HS3ST1: variants seen among roughly 807,000 people sequenced by gnomAD.
HS3ST1 encodes heparan sulfate glucosamine 3-O-sulfotransferase 1.
A neutral mutation model predicts 20.7 loss-of-function variants in HS3ST1; 8 were observed. That is an observed-to-expected ratio of 0.39 (90% CI 0.23 to 0.70). HS3ST1 has a LOEUF of 0.70. Among genes scored for constraint, HS3ST1 ranks in the 30% least tolerant of loss-of-function variants. The pLI is 0.46. For synonymous variants in HS3ST1, 205 were observed against 190.4 expected (o/e 1.08, Z -0.63); for missense variants, 436 against 423.4 (o/e 1.03, Z -0.26).
At chr4:11,413,834 T>C (rs1560235086) in intron 1 of HS3ST1, among the ~76,000 whole-genome samples, 1 of 151,926 alleles carries the variant, frequency 6.6e-6, no homozygotes, top group Non-Finnish European at 1.5e-5. Context: ...CTTTATGAGA[T>C]AAGAAGAAGG....
In HS3ST1 at chr4:11,422,558, A is replaced by G. The variant is rs369358294; in HGVS notation, c.-109+6141T>C. On this transcript the variant is annotated intron_variant, in intron 1 of 1. Transcript: ENST00000002596. ...TCATGAGACAGGCAGAGACTCGGTT[A>G]TTTATCTGACTCCCATACTAAACTG... is the stretch of plus-strand genomic sequence containing the variant. Among the ~76,000 whole-genome samples, 11 of 152,250 alleles carry G rather than the reference A, an allele frequency of 7.2e-5. No individual in the cohort carries two copies. The South Asian group carries it at 2.3e-3, about 32-fold the overall frequency.
chr4:11,415,356 C>T (rs141224895), intron 1 of HS3ST1, among the ~76,000 whole-genome samples: 1 of 152,270 alleles, frequency 6.6e-6, no homozygotes, highest in Non-Finnish European at 1.5e-5. Flanking sequence ...GGGACCAGTG[C>T]TTGTTTTCTT....
chr4:11,429,732 C>T (rs1347427018), upstream of HS3ST1: 2 of 132,596 alleles, frequency 1.5e-5, no homozygotes, highest in African/African-American at 5.6e-5. Context: ...GATATTTCTG[C>T]CCCGCTCCTC....
Position 11,399,268 on chromosome 4 carries a change from G to C in HS3ST1, c.738C>G (p.Phe246Leu), listed in dbSNP as rs776069406. 17 of 1,614,066 alleles carry C rather than the reference G, an allele frequency of 1.1e-5. No homozygotes were observed. The highest frequency in any genetic ancestry group is 1.4e-5 in the Non-Finnish European group (17 of 1,180,034). ...AAAAGCCCTTGGTTTTGTTAAAGTAGAAGTTCGAAGCATTGATCTGCGGCG... is the reference window on the plus strand; with the variant it reads ...AAAAGCCCTTGGTTTTGTTAAAGTACAAGTTCGAAGCATTGATCTGCGGCG... Reference protein sequence around the residue: ...KLSPQINASNFYFNKTKGFYC... With the variant: ...KLSPQINASNLYFNKTKGFYC... The change falls in exon 2 of 2, where the codon TTC (phenylalanine) becomes TTG (leucine). Residue 246 changes from phenylalanine to leucine, a missense_variant. Phe to Leu is a conservative substitution (Grantham distance 22). Transcript: ENST00000002596. The surrounding 1 kb of genome is among the most constrained non-coding windows in gnomAD (Gnocchi z 5.1).
chr4:11,429,913 C>T (rs1346174430), upstream of HS3ST1: 1 of 151,778 alleles, frequency 6.6e-6, no homozygotes, highest in Non-Finnish European at 1.5e-5. Flanking sequence ...AATCATACCC[C>T]GCCAAAAGCA....
rs527776678 is a variant in HS3ST1, at chr4:11,394,842, C to G, written c.*4240G>C. 6.6e-6 allele frequency: 1 copy of G among 152,212 alleles called. No homozygotes were observed. Among genetic ancestry groups the G allele is most frequent in the Admixed American group, 6.5e-5 (1 of 15,286 alleles). The allele number at this position is 152,212 out of a possible 1,614,324, so 9.4% of individuals were successfully genotyped here. A position where few individuals can be genotyped will look rare whatever the true frequency, so the allele number is the denominator to read the frequency against. On this transcript the variant is annotated 3_prime_UTR_variant, in exon 2 of 2. Coordinates refer to ENST00000002596, the MANE Select transcript of HS3ST1 (RefSeq NM_005114.4). ...AAAATTAGTAGCCCATTTTCTACTT[C>G]CTAGGGTTGTTATATAGGTTAGAAG...
In HS3ST1 at chr4:11,395,656, T is replaced by G. The variant is rs1208836976; in HGVS notation, c.*3426A>C. 1 of 151,968 alleles carries G rather than the reference T, an allele frequency of 6.6e-6. No individual in the cohort carries two copies. Among genetic ancestry groups the G allele is most frequent in the African/African-American group, 2.4e-5 (1 of 41,340 alleles). The allele number at this position is 151,968 out of a possible 1,614,324, so 9.4% of individuals were successfully genotyped here. ...CCATGCCTGGCACATTTTTGTATTT[T>G]TAGTAGAGATGGGGTTTCACCATGT... On this transcript the variant is annotated 3_prime_UTR_variant, in exon 2 of 2. Transcript: ENST00000002596.
In HS3ST1 at chr4:11,399,607, G is replaced by T; in HGVS notation, c.399C>A (p.Val133=). 1 of 1,613,928 alleles carries T rather than the reference G, an allele frequency of 6.2e-7. No homozygotes were observed. Among genetic ancestry groups the T allele is most frequent in the Non-Finnish European group, 8.5e-7 (1 of 1,180,046 alleles). Residue 133 remains valine (V), a synonymous_variant, in exon 2 of 2, where the codon GTC becomes GTA. Coordinates refer to ENST00000002596, the MANE Select transcript of HS3ST1 (RefSeq NM_005114.4). The surrounding 1 kb of genome is among the most constrained non-coding windows in gnomAD (Gnocchi z 5.1). ...YFTSPKVPER[V]YSMNPSIRLL... ...GCCGGATGGACGGGTTCATGCTGTA[G>T]ACTCGCTCAGGCACTTTGGGCGACG...
chr4:11,430,260 C>A (rs1227429394), upstream of HS3ST1, among the ~76,000 whole-genome samples: 1 of 151,752 alleles, frequency 6.6e-6, no homozygotes, highest in African/African-American at 2.4e-5. Flanking sequence ...TTGTCTACTT[C>A]TTTTAGTCAG....
chr4:11,403,107 T>C (rs1159114895), intron 1 of HS3ST1, among the ~76,000 whole-genome samples: 1 of 152,250 alleles, frequency 6.6e-6, no homozygotes, highest in African/African-American at 2.4e-5. Context: ...CATACACACA[T>C]ACTATATATA....
At chr4:11,426,363 G>GCC (rs60371655) in intron 1 of HS3ST1, among the ~76,000 whole-genome samples, 9,946 of 145,644 alleles carry the variant, frequency 0.068, 461 homozygotes, top group African/African-American at 0.13. Context: ...CCCTTCAGAG[G>GCC]CCCCCCCCCC....
chr4:11,419,481 G>A (rs1718870375), intron 1 of HS3ST1, among the ~76,000 whole-genome samples: 1 of 152,108 alleles, frequency 6.6e-6, no homozygotes, highest in South Asian at 2.1e-4. Flanking sequence ...CCTGTCGGAG[G>A]TTGGGGAGAG....
In HS3ST1 at chr4:11,398,629, T is replaced by A. The variant is rs1718209769; in HGVS notation, c.*453A>T. ...GATGATCACAATGAGACATTAAAAATTAAAAAGAGCAATGCAGAAAGGAGA... is the reference window on the plus strand; with the variant it reads ...GATGATCACAATGAGACATTAAAAAATAAAAAGAGCAATGCAGAAAGGAGA... On this transcript the variant is annotated 3_prime_UTR_variant, in exon 2 of 2. Transcript: ENST00000002596. The A allele has an allele frequency of 6.6e-6, 1 of 152,328 alleles. No homozygotes were observed. Among genetic ancestry groups the A allele is most frequent in the African/African-American group, 2.4e-5 (1 of 41,386 alleles). 9.4% of individuals were successfully genotyped at this position (152,328 alleles called of 1,614,324 possible).
In HS3ST1 at chr4:11,397,570, C is replaced by G. The variant is rs771606919; in HGVS notation, c.*1512G>C. Reference sequence around the variant, plus strand: ...GGGTAAAAACTAAATACATAAATAACCTGTGCTTTGGCTCTGAGTAGCCTC... The same window carrying G: ...GGGTAAAAACTAAATACATAAATAAGCTGTGCTTTGGCTCTGAGTAGCCTC... On this transcript the variant is annotated 3_prime_UTR_variant, in exon 2 of 2. Transcript: ENST00000002596. The G allele has an allele frequency of 2.0e-5, 3 of 152,158 alleles. No individual in the cohort carries two copies. The highest frequency in any genetic ancestry group is 4.4e-5 in the Non-Finnish European group (3 of 68,050). 9.4% of individuals were successfully genotyped at this position (152,158 alleles called of 1,614,324 possible).
chr4:11,399,474 G>A lies in HS3ST1; in HGVS notation c.532C>T (p.Leu178=). 1.2e-6 allele frequency: 2 copies of A among 1,614,032 alleles called. No homozygotes were observed. Among genetic ancestry groups the A allele is most frequent in the Non-Finnish European group, 1.7e-6 (2 of 1,180,000 alleles). The change falls in exon 2 of 2, where the codon CTG becomes TTG. Residue 178 remains leucine (L), a synonymous_variant. Coordinates refer to ENST00000002596, the MANE Select transcript of HS3ST1 (RefSeq NM_005114.4). This position sits in a 1 kb window ranked among gnomAD's most constrained non-coding sequence, Gnocchi z 5.1. The part of the protein sequence containing the change: ...HKPYPSIEEF[L]VRDGRLNVDY... ...ACATTGAGCCTGCCATCGCGCACCA[G>A]GAACTCCTCGATGGACGGGTAGGGC...
chr4:11,409,910 T>C (rs963407309), intron 1 of HS3ST1, among the ~76,000 whole-genome samples: 1 of 152,222 alleles, frequency 6.6e-6, no homozygotes, highest in Non-Finnish European at 1.5e-5. Flanking sequence ...CTCTGGCAGA[T>C]ATTGTCAGAG....
In HS3ST1 at chr4:11,400,046, G is replaced by T; in HGVS notation, c.-41C>A. On this transcript the variant is annotated 5_prime_UTR_variant, in exon 2 of 2. Coordinates refer to ENST00000002596, the MANE Select transcript of HS3ST1 (RefSeq NM_005114.4). ...GGCTTCACTGGGCCGCGCGCCGCTG[G>T]GTCATGAAGTGCCGCAGCAGGGAAG... is the stretch of plus-strand genomic sequence containing the variant. The T allele has an allele frequency of 1.4e-6, 2 of 1,444,372 alleles. No individual in the cohort carries two copies. The highest frequency in any genetic ancestry group is 2.4e-4 in the Middle Eastern group (1 of 4,210). 89.5% of individuals were successfully genotyped at this position (1,444,372 alleles called of 1,614,324 possible).
At chr4:11,426,760 G>T (rs1169117567) in intron 1 of HS3ST1, among the ~76,000 whole-genome samples, 5 of 152,226 alleles carry the variant, frequency 3.3e-5, no homozygotes, top group Non-Finnish European at 7.3e-5. Flanking sequence ...AGAGTTAGAT[G>T]GGCTAACCAA....
intron 1 of HS3ST1, among the ~76,000 whole-genome samples, chr4:11,428,125 G>T (rs1459799542): frequency 2.0e-5 from 3 of 152,176 alleles, no homozygotes; most frequent in African/African-American, 7.2e-5. Context: ...TCATGTAATT[G>T]GCATTAGGGA....
Sources: allele counts gnomAD v4.1 joint callset (sites outside exome capture counted in the v4.1 genomes callset), GRCh38; gene constraint gnomAD v4.1.1; non-coding constraint Gnocchi (gnomAD v3.1); transcripts MANE v1.5; gene names NCBI Gene and HGNC (gene_info 2026-07-23, HGNC 2026-07-21).